The following ACVR1 variants were observed in gnomAD, a reference collection of about 807,000 sequenced individuals.
ACVR1 encodes activin receptor type-1.
Under a neutral mutation model 57.1 loss-of-function variants are expected in ACVR1, and 38 were observed. The ratio of observed to expected loss-of-function variants is 0.67; its 90% confidence interval spans 0.51 to 0.87. ACVR1 has a LOEUF of 0.87. ACVR1 is among the 40% of genes least tolerant of loss of function. ACVR1 has a pLI of 0.00. For synonymous variants in ACVR1, 212 were observed against 228.1 expected, an observed-to-expected ratio of 0.93 and a Z score of 0.63; for missense variants, 463 against 638.2, an observed-to-expected ratio of 0.73 and a Z score of 2.96.
Position 157,778,238 on chromosome 2 carries a change from G to T in ACVR1, c.436C>A (p.Leu146Ile). The change falls in exon 5 of 11, where the codon CTC becomes ATC. Residue 146 changes from leucine (L) to isoleucine (I), a missense_variant. Leu to Ile is a conservative substitution (Grantham distance 5). Coordinates refer to ENST00000434821, the MANE Select transcript of ACVR1 (RefSeq NM_001111067.4). ...CLLACLLGVA[L>I]RKFKRRNQER... ...TGGTTGCGCCTTTTAAATTTTCGGA[G>T]AGCAACTCCCAGCAGGCAGGCTAAA... 1.2e-6 allele frequency: 2 copies of T among 1,614,036 alleles called. No individual in the cohort carries two copies. The highest frequency in any genetic ancestry group is 1.7e-6 in the Non-Finnish European group (2 of 1,179,996).
At chr2:157,745,952 G>A (rs950414117) in intron 9 of ACVR1, among the ~76,000 whole-genome samples, 1 of 152,134 alleles carries the variant, frequency 6.6e-6, no homozygotes, top group Non-Finnish European at 1.5e-5. Context: ...TAACAAGTAT[G>A]TCCTAGTCCC....
At chr2:157,811,827 T>C (rs564718037) in intron 2 of ACVR1, among the ~76,000 whole-genome samples, 1 of 152,222 alleles carries the variant, frequency 6.6e-6, no homozygotes, top group South Asian at 2.1e-4. Flanking sequence ...AGAATGGAAA[T>C]AGAATACAAA....
intron 2 of ACVR1, among the ~76,000 whole-genome samples, chr2:157,812,135 T>C (rs939909813): frequency 3.3e-5 from 5 of 152,198 alleles, no homozygotes; most frequent in African/African-American, 1.2e-4. Context: ...GGCCTAGAAA[T>C]AAGGACCCAC....
chr2:157,777,876 CAGAGA>C (rs1447756844), intron 5 of ACVR1, among the ~76,000 whole-genome samples: 1 of 152,180 alleles, frequency 6.6e-6, no homozygotes, highest in Non-Finnish European at 1.5e-5. Flanking sequence ...CTTTACCCCT[CAGAGA>C]AAAGTAACTA....
At chr2:157,773,983 G>T in intron 6 of ACVR1, 105 bp downstream of exon 6, 1 of 931,922 alleles carries the variant, frequency 1.1e-6, no homozygotes, top group Non-Finnish European at 1.7e-6. Flanking sequence ...GTTTAATAAG[G>T]AAACAACAGG....
At chr2:157,796,349 G>A (rs570712014) in intron 3 of ACVR1, among the ~76,000 whole-genome samples, 1 of 151,914 alleles carries the variant, frequency 6.6e-6, no homozygotes, top group East Asian at 1.9e-4. Flanking sequence ...CTCAGGAGTC[G>A]GAGACCAGCC....
chr2:157,833,069 T>G (rs1035528839), intron 1 of ACVR1, among the ~76,000 whole-genome samples: 9 of 152,212 alleles, frequency 5.9e-5, no homozygotes, highest in African/African-American at 2.2e-4. Flanking sequence ...CACACATATA[T>G]AAGCCTTTTG....
At chr2:157,776,023 A>G (rs1486241236) in intron 5 of ACVR1, among the ~76,000 whole-genome samples, 1 of 152,204 alleles carries the variant, frequency 6.6e-6, no homozygotes, top group African/African-American at 2.4e-5. Context: ...ATGCATGGCC[A>G]AGGCTTGTTT....
At chr2:157,827,481 A>T (rs1056651645) in intron 1 of ACVR1, among the ~76,000 whole-genome samples, 36 of 152,246 alleles carry the variant, frequency 2.4e-4, no homozygotes, top group African/African-American at 8.4e-4. Flanking sequence ...CATGAATTGT[A>T]TAAGTGTTTG....
chr2:157,814,811 C>T (rs887540097), intron 2 of ACVR1, among the ~76,000 whole-genome samples: 10 of 152,188 alleles, frequency 6.6e-5, no homozygotes, highest in African/African-American at 1.9e-4. Context: ...GCGCCCGACA[C>T]GGTGGGTCAC....
intron 1 of ACVR1, among the ~76,000 whole-genome samples, chr2:157,863,018 T>C (rs1487239812): frequency 4.3e-4 from 39 of 90,408 alleles, no homozygotes; most frequent in African/African-American, 1.8e-3. Context: ...TTACTTTTTT[T>C]TTTTTTTTTT....
intron 1 of ACVR1, among the ~76,000 whole-genome samples, chr2:157,862,030 G>T (rs1230380292): frequency 6.6e-6 from 1 of 152,054 alleles, no homozygotes; most frequent in Non-Finnish European, 1.5e-5. Context: ...TGTGGAAAGG[G>T]TAAAATACAT....
intron 9 of ACVR1, among the ~76,000 whole-genome samples, chr2:157,739,374 A>G (rs964893309): frequency 2.0e-5 from 3 of 152,246 alleles, no homozygotes; most frequent in South Asian, 2.1e-4. Flanking sequence ...ATGATTTCCA[A>G]TGGCCTGGAA....
chr2:157,753,257 TG>T (rs1286261194), intron 9 of ACVR1, among the ~76,000 whole-genome samples: 2 of 152,160 alleles, frequency 1.3e-5, no homozygotes, highest in South Asian at 4.1e-4. Context: ...CAGCCGGGTG[TG>T]GTGGTTCACG....
chr2:157,852,285 C>T (rs1057289013), intron 1 of ACVR1, among the ~76,000 whole-genome samples: 2 of 151,780 alleles, frequency 1.3e-5, no homozygotes, highest in Admixed American at 6.6e-5. Flanking sequence ...ATCGCTTGAG[C>T]TCAGAAATTC....
chr2:157,761,222 T>C, intron 8 of ACVR1, 145 bp from the exon 9 acceptor site: 2 of 733,684 alleles, frequency 2.7e-6, no homozygotes, highest in South Asian at 1.7e-5. Context: ...ATCCCTAGAA[T>C]GCCCTTTGTG....
chr2:157,781,096 G>A (rs1041078233), intron 3 of ACVR1, among the ~76,000 whole-genome samples: 5 of 152,150 alleles, frequency 3.3e-5, no homozygotes, highest in Admixed American at 2.0e-4. Context: ...AAGGAATGCT[G>A]ACATTCTTGC....
chr2:157,812,237 A>G (rs1369098839), intron 2 of ACVR1, among the ~76,000 whole-genome samples: 1 of 152,232 alleles, frequency 6.6e-6, no homozygotes, highest in Non-Finnish European at 1.5e-5. Flanking sequence ...AACCATGTGG[A>G]TGCAATCACC....
chr2:157,845,384 G>A (rs976761814), intron 1 of ACVR1, among the ~76,000 whole-genome samples: 6 of 152,168 alleles, frequency 3.9e-5, no homozygotes, highest in African/African-American at 1.2e-4. Flanking sequence ...GAGACGCATG[G>A]AGAGGCACAG....
Sources: gnomAD v4.1 joint callset for allele counts (sites outside exome capture counted in the v4.1 genomes callset) on GRCh38, gnomAD v4.1.1 for gene constraint, MANE v1.5 for transcripts, NCBI Gene and HGNC (gene_info 2026-07-23, HGNC 2026-07-21) for gene names.